QTMAN: variants seen among roughly 807,000 people sequenced by gnomAD.
QTMAN encodes the protein tRNA-queuosine alpha-mannosyltransferase.
chr2:143,979,358 T>C, the QTMAN span, among the ~76,000 whole-genome samples: 1 of 152,138 alleles, frequency 6.6e-6, no homozygotes, highest in East Asian at 1.9e-4. Flanking sequence ...ATTATCAGAG[T>C]ACCAGAGGGG....
chr2:144,316,619 C>G, the QTMAN span, among the ~76,000 whole-genome samples: 1 of 152,186 alleles, frequency 6.6e-6, no homozygotes, highest in African/African-American at 2.4e-5. Flanking sequence ...CAATACTTTA[C>G]TAATAATAAA....
chr2:144,325,205 A>G, the QTMAN span, among the ~76,000 whole-genome samples: 3 of 152,232 alleles, frequency 2.0e-5, no homozygotes, highest in African/African-American at 7.2e-5. Flanking sequence ...TAGGAATTAT[A>G]AACATCTTGA....
the QTMAN span, among the ~76,000 whole-genome samples, chr2:144,104,359 C>T: frequency 6.6e-6 from 1 of 152,148 alleles, no homozygotes. Flanking sequence ...CTTTCCTAGC[C>T]AAGGGAAGCG....
At chr2:144,109,588 T>C in the QTMAN span, among the ~76,000 whole-genome samples, 1 of 151,662 alleles carries the variant, frequency 6.6e-6, no homozygotes, top group African/African-American at 2.4e-5. Context: ...GCAAAAGAAA[T>C]CACCATCAGA....
the QTMAN span, among the ~76,000 whole-genome samples, chr2:144,255,732 T>A: frequency 2.0e-5 from 3 of 152,188 alleles, no homozygotes; most frequent in Non-Finnish European, 4.4e-5. Context: ...CACAGAGGAT[T>A]TTTAGGGCAT....
the QTMAN span, among the ~76,000 whole-genome samples, chr2:143,962,909 C>G: frequency 6.6e-6 from 1 of 152,108 alleles, no homozygotes; most frequent in Non-Finnish European, 1.5e-5. Context: ...GATGTTGCCC[C>G]ACAAGTGGGC....
chr2:144,194,951 G>C, the QTMAN span, among the ~76,000 whole-genome samples: 10 of 152,022 alleles, frequency 6.6e-5, no homozygotes, highest in African/African-American at 2.4e-4. Context: ...ACAAAACCAG[G>C]TTGCAACATA....
chr2:143,972,546 A>G, the QTMAN span, among the ~76,000 whole-genome samples: 6 of 152,158 alleles, frequency 3.9e-5, no homozygotes, highest in Admixed American at 6.5e-5. Flanking sequence ...AAAGATTCCA[A>G]TGTGAATATT....
At chr2:144,248,655 T>C in the QTMAN span, among the ~76,000 whole-genome samples, 1 of 152,028 alleles carries the variant, frequency 6.6e-6, no homozygotes, top group African/African-American at 2.4e-5. Flanking sequence ...CACCATTCAG[T>C]GTAGGCTGAA....
chr2:143,949,397 C>A, the QTMAN span, among the ~76,000 whole-genome samples: 7 of 151,894 alleles, frequency 4.6e-5, no homozygotes, highest in Non-Finnish European at 5.9e-5. Flanking sequence ...GTGTTAGTAG[C>A]CTTATTCTAG....
At chr2:144,049,153 G>C in the QTMAN span, among the ~76,000 whole-genome samples, 1 of 152,142 alleles carries the variant, frequency 6.6e-6, no homozygotes, top group Non-Finnish European at 1.5e-5. Flanking sequence ...TAGTTTGAAT[G>C]ATGAGGCCCA....
the QTMAN span, among the ~76,000 whole-genome samples, chr2:143,978,544 C>G: frequency 3.3e-5 from 5 of 152,294 alleles, no homozygotes; most frequent in Non-Finnish European, 7.4e-5. Flanking sequence ...TTCCCTTTCT[C>G]TGCAACTCTG....
the QTMAN span, among the ~76,000 whole-genome samples, chr2:144,219,998 T>C: frequency 1.3e-5 from 2 of 152,316 alleles, no homozygotes; most frequent in Middle Eastern, 3.4e-3. Flanking sequence ...ATATATATTT[T>C]TAATAATCTT....
chr2:144,088,572 AT>A, the QTMAN span, among the ~76,000 whole-genome samples: 1 of 152,264 alleles, frequency 6.6e-6, no homozygotes, highest in South Asian at 2.1e-4. Context: ...TTCAATACAT[AT>A]TACAAGTCTA....
chr2:143,965,922 T>C, the QTMAN span, among the ~76,000 whole-genome samples: 2 of 152,198 alleles, frequency 1.3e-5, no homozygotes, highest in African/African-American at 4.8e-5. Context: ...ACCAGCTGGG[T>C]TGTTTCCAGC....
At chr2:144,133,150 T>TATATATATATATAA in the QTMAN span, among the ~76,000 whole-genome samples, 1 of 38,482 alleles carries the variant, frequency 2.6e-5, no homozygotes, top group South Asian at 6.2e-4. Flanking sequence ...TATATATATA[T>TATATATATATATAA]AATATAATAT....
At chr2:144,089,613 A>G in the QTMAN span, among the ~76,000 whole-genome samples, 3 of 152,002 alleles carry the variant, frequency 2.0e-5, no homozygotes, top group African/African-American at 7.2e-5. Flanking sequence ...ATTTGGTCAT[A>G]AAAAAAGAAT....
At chr2:144,088,484 T>C in the QTMAN span, among the ~76,000 whole-genome samples, 2 of 152,016 alleles carry the variant, frequency 1.3e-5, no homozygotes, top group East Asian at 3.8e-4. Flanking sequence ...TAAATTTATA[T>C]GGAACTAAAA....
chr2:144,279,010 G>A, the QTMAN span, among the ~76,000 whole-genome samples: 1 of 152,078 alleles, frequency 6.6e-6, no homozygotes, highest in Non-Finnish European at 1.5e-5. Flanking sequence ...TGAGATGTAG[G>A]GAGATTAAGA....
Sources: allele counts gnomAD v4.1 joint callset (sites outside exome capture counted in the v4.1 genomes callset), GRCh38; gene constraint gnomAD v4.1.1; transcripts MANE v1.5; gene names NCBI Gene and HGNC (gene_info 2026-07-23, HGNC 2026-07-21).